Variants in SYT7 observed in about 807,000 individuals in gnomAD.
The protein encoded by SYT7 is synaptotagmin 7.
In SYT7, 29 loss-of-function variants were observed where a neutral mutation model predicts 75.1. The ratio of observed to expected loss-of-function variants is 0.39; its 90% CI spans 0.29 to 0.53. The LOEUF is 0.53. Ranked by LOEUF, SYT7 falls within the 20% of genes least tolerant of loss-of-function variation. The pLI is 0.77. For missense variants in SYT7, 693 were observed against 953.2 expected (o/e 0.73, Z 3.59); for synonymous variants, 376 against 401.7 (o/e 0.94, Z 0.76).
At chr11:61,581,333 C>A (rs1470810204), upstream of SYT7, among the ~76,000 whole-genome samples, 1 of 150,770 alleles carries the variant, frequency 6.6e-6, no homozygotes, top group Non-Finnish European at 1.5e-5. Flanking sequence ...CCGAGCCCCA[C>A]GGCCGGGCTC....
At position 61,528,113 on chromosome 11, in the gene SYT7, T is replaced by G; in HGVS notation, c.1273A>C (p.Ser425Arg). Residue 425 changes from serine to arginine, a missense_variant, in exon 9 of 13, where the codon AGT becomes CGT. By Grantham distance (110) the Ser-to-Arg change is moderately radical. This residue lies in a region of SYT7 where 206 missense variants were observed against 360.0 expected (regional missense o/e 0.57). Coordinates refer to ENST00000539008, the MANE Select transcript of SYT7 (RefSeq NM_001365809.2). ...GACTCCTGGAAGTTGTAGCCGACAC[T>G]GAACTGGATCCGGCCCAGGTTCTCT... ...SRENLGRIQF[S>R]VGYNFQESTL... is the part of the protein sequence containing the mutation. The G allele has an allele frequency of 6.2e-7, 1 of 1,613,726 alleles. No homozygotes were observed. Among genetic ancestry groups the G allele is most frequent in the Non-Finnish European group, 8.5e-7 (1 of 1,180,026 alleles).
At position 61,580,736 on chromosome 11, in the gene SYT7, C is replaced by T; in HGVS notation, c.31+54G>A. 8.6e-7 allele frequency: 1 copy of T among 1,165,644 alleles called. No homozygotes were observed. Among genetic ancestry groups the T allele is most frequent in the South Asian group, 3.8e-5 (1 of 26,436 alleles). The allele number at this position is 1,165,644 out of a possible 1,614,324, so 72.2% of individuals were successfully genotyped here. On this transcript the variant is annotated intron_variant, in intron 1 of 12. Transcript: ENST00000539008. The surrounding 1 kb of genome is among the most constrained non-coding windows in gnomAD (Gnocchi z 6.1). ...GGCTCCGAGACGGCGTCCGGCGCTG[C>T]CGCTGTCCTGCCCGCCGGTGCGGGG...
Position 61,524,296 on chromosome 11 carries a change from T to C in SYT7, c.1641+67A>G. 1 of 1,579,670 alleles carries C rather than the reference T, an allele frequency of 6.3e-7. No individual in the cohort carries two copies. Among genetic ancestry groups the C allele is most frequent in the Non-Finnish European group, 8.6e-7 (1 of 1,159,810 alleles). ...CTGGCCTTCCTAAGGTTGACAAGGG[T>C]CTGGGACCAGATCTCCCAGCCCTGC... is the stretch of plus-strand genomic sequence containing the variant. On this transcript the variant is annotated intron_variant, in intron 10 of 12. Coordinates refer to ENST00000539008, the MANE Select transcript of SYT7 (RefSeq NM_001365809.2). The surrounding 1 kb of genome is among the most constrained non-coding windows in gnomAD (Gnocchi z 4.1).
At chr11:61,584,572 C>T (rs1243721169), upstream of SYT7, among the ~76,000 whole-genome samples, 1 of 152,186 alleles carries the variant, frequency 6.6e-6, no homozygotes, top group Non-Finnish European at 1.5e-5. Context: ...TAACCATGAA[C>T]CATTCTGCTG....
intron 8 of SYT7, 73 bp downstream of exon 8, chr11:61,532,916 C>T (rs1403406460): frequency 7.6e-6 from 12 of 1,587,070 alleles, no homozygotes; most frequent in Non-Finnish European, 1.0e-5. Flanking sequence ...CATTCCCACA[C>T]ACATCCCTCT....
intron 12 of SYT7, among the ~76,000 whole-genome samples, chr11:61,522,504 A>G (rs527972513): frequency 6.6e-6 from 1 of 152,250 alleles, no homozygotes; most frequent in East Asian, 1.9e-4. Flanking sequence ...TTCTACAAGA[A>G]GAACATCCAC....
chr11:61,541,761 C>T (rs912861340), intron 6 of SYT7, among the ~76,000 whole-genome samples: 2 of 151,300 alleles, frequency 1.3e-5, no homozygotes, highest in Non-Finnish European at 2.9e-5. Flanking sequence ...CTAGCAGAGT[C>T]GGGTTACAGG....
At chr11:61,559,985 T>G (rs964634008) in intron 1 of SYT7, among the ~76,000 whole-genome samples, 1 of 152,186 alleles carries the variant, frequency 6.6e-6, no homozygotes, top group African/African-American at 2.4e-5. Context: ...ATCAGTGCCT[T>G]CATCTGTGGA....
At chr11:61,549,175 GA>G (rs1565190759) in intron 3 of SYT7, among the ~76,000 whole-genome samples, 1 of 151,976 alleles carries the variant, frequency 6.6e-6, no homozygotes, top group South Asian at 2.1e-4. Flanking sequence ...CGAGGTCCCA[GA>G]AAAAAAATCC....
At chr11:61,577,695 C>T (rs2064122622) in intron 1 of SYT7, among the ~76,000 whole-genome samples, 1 of 152,212 alleles carries the variant, frequency 6.6e-6, no homozygotes. Flanking sequence ...AGTGGAGTGT[C>T]TGTAGGGAAC....
At chr11:61,575,459 T>C (rs1185314287) in intron 1 of SYT7, among the ~76,000 whole-genome samples, 2 of 152,190 alleles carry the variant, frequency 1.3e-5, no homozygotes, top group African/African-American at 4.8e-5. Flanking sequence ...CGAGATCAGT[T>C]TGACCCAGAC....
chr11:61,564,040 T>G (rs1192355550), intron 1 of SYT7, among the ~76,000 whole-genome samples: 1 of 151,998 alleles, frequency 6.6e-6, no homozygotes, highest in African/African-American at 2.4e-5. Flanking sequence ...TCTCCAAACT[T>G]GAATTAATGG....
intron 8 of SYT7, chr11:61,530,711 T>C: frequency 1.2e-6 from 1 of 831,920 alleles, no homozygotes; most frequent in Non-Finnish European, 1.5e-6. Context: ...GTCCCTTGGC[T>C]CCTGGCTGCC....
chr11:61,573,883 C>T (rs765865855), intron 1 of SYT7, among the ~76,000 whole-genome samples: 8 of 152,248 alleles, frequency 5.3e-5, no homozygotes, highest in Non-Finnish European at 1.0e-4. Context: ...TTAGGTCTGG[C>T]AGCGTGGCTG....
At position 61,533,074 on chromosome 11, in the gene SYT7, G is replaced by T; in HGVS notation, c.1115C>A (p.Thr372Lys). ...CCGGCGGTCGGACTCATCGTGGGGT[G>T]TCTGGCCTGGCACGGGGGCTGTGTT... ...AVNTAPVPGQ[T>K]PHDESDRRTE... The change falls in exon 8 of 13, where the codon ACA (threonine) becomes AAA (lysine). Residue 372 changes from threonine (T) to lysine (K), a missense_variant. This residue lies in a region of SYT7 where 487 missense variants were observed against 593.2 expected (regional missense o/e 0.82). Coordinates refer to ENST00000539008, the MANE Select transcript of SYT7 (RefSeq NM_001365809.2). 1 of 1,612,542 alleles carries T rather than the reference G, an allele frequency of 6.2e-7. No homozygotes were observed. Among genetic ancestry groups the T allele is most frequent in the South Asian group, 1.1e-5 (1 of 91,058 alleles).
At chr11:61,530,198 C>T (rs1051203945) in intron 8 of SYT7, among the ~76,000 whole-genome samples, 1 of 152,214 alleles carries the variant, frequency 6.6e-6, no homozygotes. Flanking sequence ...GCCAGGAATC[C>T]TGAGTGCCCT....
At chr11:61,570,138 T>C (rs2063883073) in intron 1 of SYT7, among the ~76,000 whole-genome samples, 1 of 152,260 alleles carries the variant, frequency 6.6e-6, no homozygotes, top group African/African-American at 2.4e-5. Flanking sequence ...AAACAGTGCC[T>C]GTCCAAGGTC....
In SYT7 at chr11:61,542,577, A is replaced by C; in HGVS notation, c.575T>G (p.Phe192Cys). The C allele has an allele frequency of 2.0e-6, 3 of 1,492,880 alleles. No homozygotes were observed. Among genetic ancestry groups the C allele is most frequent in the Non-Finnish European group, 2.7e-6 (3 of 1,123,776 alleles). The allele number at this position is 1,492,880 out of a possible 1,614,324, so 92.5% of individuals were successfully genotyped here. A position where few individuals can be genotyped will look rare whatever the true frequency, so the allele number is the denominator to read the frequency against. The change falls in exon 6 of 13, where the codon TTC becomes TGC. Residue 192 changes from phenylalanine (F) to cysteine (C), a missense_variant and splice_region_variant. This residue lies in a region of SYT7 where 487 missense variants were observed against 593.2 expected (regional missense o/e 0.82). Transcript: ENST00000539008. This position sits in a 1 kb window ranked among gnomAD's most constrained non-coding sequence, Gnocchi z 7.8. ...LAAGKLNLSN[F>C]EDSTLSTATT... ...GGCCGTGGACAGGGTGGAGTCCTCG[A>C]AACTTGGGGCAGGTGGAGGAGAGGA... is the stretch of plus-strand genomic sequence containing the variant.
chr11:61,532,911 C>A, intron 8 of SYT7, 78 bp downstream of exon 8: 2 of 1,581,876 alleles, frequency 1.3e-6, no homozygotes, highest in Non-Finnish European at 1.7e-6. Flanking sequence ...TTAATCATTC[C>A]CACACACATC....
Sources: gnomAD v4.1 joint callset for allele counts (sites outside exome capture counted in the v4.1 genomes callset) on GRCh38, gnomAD v4.1.1 for gene constraint, gnomAD v4.1.1 regional missense constraint, Gnocchi (gnomAD v3.1) non-coding constraint, MANE v1.5 for transcripts, NCBI Gene and HGNC (gene_info 2026-07-23, HGNC 2026-07-21) for gene names.